Variants in TNPO2 observed in about 807,000 individuals in gnomAD.
TNPO2 encodes transportin-2.
Under a neutral mutation model 111.1 loss-of-function variants are expected in TNPO2, and 16 were observed. The ratio of observed to expected loss-of-function variants is 0.14; its 90% confidence interval spans 0.10 to 0.22. The LOEUF (loss-of-function observed/expected upper bound fraction) is 0.22, where lower values mean the gene tolerates loss of function less well. Ranked by LOEUF, TNPO2 falls within the 10% of genes least tolerant of loss-of-function variation. The probability of loss-of-function intolerance (pLI) is 1.00; values close to 1 mark genes in which losing one functional copy is unlikely to be tolerated. For missense variants in TNPO2, 530 were observed against 1,173.7 expected (o/e 0.45, Z 8.01); for synonymous variants, 481 against 475.8 (o/e 1.01, Z -0.14).
rs200335232 is a variant in TNPO2, at chr19:12,715,869, C to CT, written c.326-131dup. 0.012 allele frequency: 6,428 copies of CT among 551,430 alleles called. No individual in the cohort carries two copies. The highest frequency in any genetic ancestry group is 0.013 in the Middle Eastern group (29 of 2,154). 34.2% of individuals were successfully genotyped at this position (551,430 alleles called of 1,614,324 possible). A position where few individuals can be genotyped will look rare whatever the true frequency, so the allele number is the denominator to read the frequency against. On this transcript the variant is annotated intron_variant, in intron 5 of 25. Transcript: ENST00000425528. The surrounding 1 kb of genome is among the most constrained non-coding windows in gnomAD (Gnocchi z 7.1). Reference sequence around the variant, plus strand: ...ATGTACGCCCTCTACATCCCCCCTCCTTTTTTTTTTCTTTGTAAGAGATAG... The same window carrying CT: ...ATGTACGCCCTCTACATCCCCCCTCCTTTTTTTTTTTCTTTGTAAGAGATAG...
At position 12,702,777 on chromosome 19, in the gene TNPO2, C is replaced by T. The variant is rs2025399196; in HGVS notation, c.2305+46G>A. 2 of 1,570,256 alleles carry T rather than the reference C, an allele frequency of 1.3e-6. No individual in the cohort carries two copies. The highest frequency in any genetic ancestry group is 1.8e-6 in the Non-Finnish European group (2 of 1,141,324). The stretch of plus-strand genomic sequence containing the variant: ...CCTTCCCAGCCCAGAACCCCACCTC[C>T]AGAAGGCAGGCAGGGGTGCAGGCAG... On this transcript the variant is annotated intron_variant, in intron 21 of 25. Transcript: ENST00000425528. The surrounding 1 kb of genome is among the most constrained non-coding windows in gnomAD (Gnocchi z 5.5).
In TNPO2 at chr19:12,721,356, A is replaced by G; in HGVS notation, c.-13-366T>C. Reference sequence around the variant, plus strand: ...CCTCGCAGCGGCTGGGCGAGGGCCCAGCCGCCTCCACATCCAGGGGCCCCG... The same window carrying G: ...CCTCGCAGCGGCTGGGCGAGGGCCCGGCCGCCTCCACATCCAGGGGCCCCG... On this transcript the variant is annotated intron_variant, in intron 2 of 25. Coordinates refer to ENST00000425528, the MANE Select transcript of TNPO2 (RefSeq NM_001382241.1). The surrounding 1 kb of genome is among the most constrained non-coding windows in gnomAD (Gnocchi z 4.9). 3 of 1,235,164 alleles carry G rather than the reference A, an allele frequency of 2.4e-6. No individual in the cohort carries two copies. Among genetic ancestry groups the G allele is most frequent in the Non-Finnish European group, 3.2e-6 (3 of 951,816 alleles). The allele number at this position is 1,235,164 out of a possible 1,614,324, so 76.5% of individuals were successfully genotyped here.
chr19:12,710,888 T>G, intron 12 of TNPO2, 115 bp from the exon 13 acceptor site: 1 of 1,130,324 alleles, frequency 8.8e-7, no homozygotes, highest in South Asian at 1.8e-5. Flanking sequence ...ACGATCAGCT[T>G]CTTTTTTTTT....
rs1184096468 is a variant in TNPO2 at position 12,701,878 on chromosome 19, C to T, written c.2412-27G>A. On this transcript the variant is annotated intron_variant, in intron 22 of 25. Transcript: ENST00000425528. The surrounding 1 kb of genome is among the most constrained non-coding windows in gnomAD (Gnocchi z 5.0). Reference sequence around the variant, plus strand: ...TGTGGGAAGGTGAGCAGCTGGAGGTCAGAGGGCAGGCTGGGCATGCATCTG... The same window carrying T: ...TGTGGGAAGGTGAGCAGCTGGAGGTTAGAGGGCAGGCTGGGCATGCATCTG... The T allele has an allele frequency of 6.3e-7, 1 of 1,592,110 alleles. No homozygotes were observed. The highest frequency in any genetic ancestry group is 1.3e-5 in the African/African-American group (1 of 74,496).
Position 12,710,776 on chromosome 19 carries a change from G to A in TNPO2, c.1118-3C>T. 1.2e-6 allele frequency: 2 copies of A among 1,605,106 alleles called. No homozygotes were observed. Among genetic ancestry groups the A allele is most frequent in the Non-Finnish European group, 1.7e-6 (2 of 1,175,592 alleles). On this transcript the variant is annotated splice_polypyrimidine_tract_variant and splice_region_variant and intron_variant, in intron 12 of 25. Transcript: ENST00000425528. ...CAGTGCAGCCGCTGAGCACTTCCCT[G>A]GGGAAGGGGGAACAATGGGGAGGCT...
intron 5 of TNPO2, among the ~76,000 whole-genome samples, chr19:12,716,241 C>T (rs1053943637): frequency 3.9e-5 from 6 of 152,192 alleles, no homozygotes; most frequent in Non-Finnish European, 7.3e-5. Context: ...AACTCTGTTC[C>T]AGGCCCTGAG....
chr19:12,718,972 G>A, intron 5 of TNPO2, 57 bp downstream of exon 5: 3 of 1,595,676 alleles, frequency 1.9e-6, no homozygotes, highest in Non-Finnish European at 1.7e-6. Context: ...CACTTAACAT[G>A]CTGAGAAGTG....
rs745524850 is a variant in TNPO2 at position 12,702,630 on chromosome 19, T to TTA, written c.2305+191_2305+192dup. Among the ~76,000 whole-genome samples, 13 of 152,236 alleles carry TTA rather than the reference T, an allele frequency of 8.5e-5. 1 individual carries two copies. The East Asian group carries it at 2.5e-3, about 29-fold the overall frequency. On this transcript the variant is annotated intron_variant, in intron 21 of 25. Coordinates refer to ENST00000425528, the MANE Select transcript of TNPO2 (RefSeq NM_001382241.1). This position sits in a 1 kb window ranked among gnomAD's most constrained non-coding sequence, Gnocchi z 5.5. ...TGATCTGCCTCCCAAAGTGCTGAGA[T>TTA]TACAGGCATGAGCCACTGCACCCAG...
Position 12,715,580 on chromosome 19 carries a change from G to A in TNPO2, c.433-42C>T. On this transcript the variant is annotated intron_variant, in intron 6 of 25. Transcript: ENST00000425528. The surrounding 1 kb of genome is among the most constrained non-coding windows in gnomAD (Gnocchi z 7.1). The stretch of plus-strand genomic sequence containing the variant: ...AGAGAGACAAACGTGGGTGGTGGGT[G>A]GTGGTCCCAGCCCCCCAGTACTCGC... 1 of 1,613,530 alleles carries A rather than the reference G, an allele frequency of 6.2e-7. No homozygotes were observed. Among genetic ancestry groups the A allele is most frequent in the Non-Finnish European group, 8.5e-7 (1 of 1,179,566 alleles).
rs1293955198 is a variant in TNPO2, at chr19:12,700,227, CAATT to C, written c.*1033_*1036del. On this transcript the variant is annotated 3_prime_UTR_variant, in exon 26 of 26. Transcript: ENST00000425528. ...AAAAACCTGTGTCCTCTGTCATCAT[CAATT>C]AAACGCCCCTGCCCCAGGCCTTGAG... 2 of 152,170 alleles carry C rather than the reference CAATT, an allele frequency of 1.3e-5. No individual in the cohort carries two copies. Among genetic ancestry groups the C allele is most frequent in the Non-Finnish European group, 2.9e-5 (2 of 68,048 alleles). The allele number at this position is 152,170 out of a possible 1,614,324, so 9.4% of individuals were successfully genotyped here.
In TNPO2 at chr19:12,706,367, A is replaced by G; in HGVS notation, c.1497T>C (p.Ser499=). ...CCTCTTCCTCCAGGGTGGCAAAAGC[A>G]CTGGTGGGAGGGAGGATGAAGCGGG... ...GNKRVQEAAC[S]AFATLEEEAC... The change falls in exon 15 of 26, where the codon AGT becomes AGC. Residue 499 remains serine (S), a splice_region_variant and synonymous_variant. Transcript: ENST00000425528. The surrounding 1 kb of genome is among the most constrained non-coding windows in gnomAD (Gnocchi z 7.0). The G allele has an allele frequency of 6.2e-7, 1 of 1,614,022 alleles. No homozygotes were observed. Among genetic ancestry groups the G allele is most frequent in the Non-Finnish European group, 8.5e-7 (1 of 1,180,002 alleles).
rs763731633 is a variant in TNPO2 at position 12,706,420 on chromosome 19, T to C, written c.1497-53A>G. On this transcript the variant is annotated intron_variant, in intron 14 of 25. Transcript: ENST00000425528. This position sits in a 1 kb window ranked among gnomAD's most constrained non-coding sequence, Gnocchi z 7.0. ...CTCAGTGGACCATGGCAGGTGACAC[T>C]GGGCCATGGGCAGTTGGGGAGGGCA... 2 of 1,607,972 alleles carry C rather than the reference T, an allele frequency of 1.2e-6. No homozygotes were observed. The highest frequency in any genetic ancestry group is 3.3e-5 in the Admixed American group (2 of 60,008).
Position 12,715,158 on chromosome 19 carries a change from G to A in TNPO2, c.660C>T (p.Ala220=), listed in dbSNP as rs1304481457. 2 of 1,609,162 alleles carry A rather than the reference G, an allele frequency of 1.2e-6. No homozygotes were observed. Among genetic ancestry groups the A allele is most frequent in the Admixed American group, 3.3e-5 (2 of 59,816 alleles). ...CCTCGGGGTCATCATCCACAGCCAG[G>A]GCAAATAGGTGCTGCAGGGAGGAAC... The part of the protein sequence containing the change: ...NIDTFIEHLF[A]LAVDDDPEVR... The change falls in exon 9 of 26, where the codon GCC becomes GCT. Residue 220 remains alanine, a synonymous_variant. Coordinates refer to ENST00000425528, the MANE Select transcript of TNPO2 (RefSeq NM_001382241.1). The surrounding 1 kb of genome is among the most constrained non-coding windows in gnomAD (Gnocchi z 7.1).
Position 12,701,318 on chromosome 19 carries a change from C to G in TNPO2, c.*20+8G>C. The G allele has an allele frequency of 6.3e-7, 1 of 1,581,128 alleles. No homozygotes were observed. The highest frequency in any genetic ancestry group is 8.7e-7 in the Non-Finnish European group (1 of 1,151,312). ...ACAGTGCTGACTTGCCAGCTGCAGT[C>G]TCCTTACCTGGCAGTCTCCATGATC... is the stretch of plus-strand genomic sequence containing the variant. On this transcript the variant is annotated splice_region_variant and intron_variant, in intron 25 of 25. Transcript: ENST00000425528. The surrounding 1 kb of genome is among the most constrained non-coding windows in gnomAD (Gnocchi z 5.0).
Position 12,711,387 on chromosome 19 carries a change from C to T in TNPO2, c.1026G>A (p.Thr342=), listed in dbSNP as rs753863411. The T allele has an allele frequency of 6.2e-6, 10 of 1,614,012 alleles. No individual in the cohort carries two copies. The East Asian group carries it at 6.7e-5, about 11-fold the overall frequency. ...GCTCAGCCTCGTGGGGCAGTGTGAC[C>T]GTGCGTGACTTGTGGAAGCGTGGCT... ...DIKPRFHKSR[T]VTLPHEAERP... is the part of the protein sequence containing the mutation. The change falls in exon 12 of 26, where the codon ACG becomes ACA. Residue 342 remains threonine (T), a synonymous_variant. Transcript: ENST00000425528.
At chr19:12,722,567 AAAAAAAAAAAAAAAAAAAGAAAGAAAG>A (rs1967060189) in intron 2 of TNPO2, 1 of 149,630 alleles carries the variant, frequency 6.7e-6, no homozygotes, top group Non-Finnish European at 1.5e-5. Context: ...GAATTAAAAA[AAAAAAAAAAAAAAAAAAAGAAAGAAAG>A]AAAAAAAAAA....
intron 3 of TNPO2, among the ~76,000 whole-genome samples, chr19:12,720,379 G>C (rs1048950348): frequency 4.6e-5 from 7 of 152,124 alleles, no homozygotes; most frequent in African/African-American, 1.7e-4. Flanking sequence ...GGAGTACAGT[G>C]GCACAATCTC....
intron 2 of TNPO2, among the ~76,000 whole-genome samples, chr19:12,722,729 C>T (rs1238143619): frequency 6.6e-6 from 1 of 152,090 alleles, no homozygotes; most frequent in Non-Finnish European, 1.5e-5. Context: ...CGGGCTGAGA[C>T]AAGGTCCGGT....
Position 12,715,836 on chromosome 19 carries a change from C to T in TNPO2, c.326-97G>A. Reference sequence around the variant, plus strand: ...CACCCCCAGTGCTGCCTTTCTGTTCCCTAGCCCATGTACGCCCTCTACATC... The same window carrying T: ...CACCCCCAGTGCTGCCTTTCTGTTCTCTAGCCCATGTACGCCCTCTACATC... On this transcript the variant is annotated intron_variant, in intron 5 of 25. Coordinates refer to ENST00000425528, the MANE Select transcript of TNPO2 (RefSeq NM_001382241.1). The surrounding 1 kb of genome is among the most constrained non-coding windows in gnomAD (Gnocchi z 7.1). The T allele has an allele frequency of 1.0e-6, 1 of 962,532 alleles. No homozygotes were observed. 59.6% of individuals were successfully genotyped at this position (962,532 alleles called of 1,614,324 possible).
Sources: allele counts gnomAD v4.1 joint callset (sites outside exome capture counted in the v4.1 genomes callset), GRCh38; gene constraint gnomAD v4.1.1; non-coding constraint Gnocchi (gnomAD v3.1); transcripts MANE v1.5; gene names NCBI Gene and HGNC (gene_info 2026-07-23, HGNC 2026-07-21).